Variants in COL4A4 observed in about 807,000 individuals in gnomAD.
COL4A4 encodes the protein collagen alpha-4(IV) chain.
Under a neutral mutation model 192.9 loss-of-function variants are expected in COL4A4, and 105 were observed. That is an observed-to-expected ratio of 0.54 (90% confidence interval 0.46 to 0.64). COL4A4 has a LOEUF of 0.64. Ranked by LOEUF, COL4A4 falls within the 30% of genes least tolerant of loss-of-function variation. COL4A4 has a pLI of 0.00. For missense variants in COL4A4, 1,967 were observed against 2,169.3 expected (o/e 0.91, Z 1.85); for synonymous variants, 762 against 769.9 (o/e 0.99, Z 0.17).
intron 3 of COL4A4, among the ~76,000 whole-genome samples, chr2:227,143,000 T>TCACACA (rs371177118): frequency 9.7e-5 from 14 of 144,030 alleles, no homozygotes; most frequent in African/African-American, 3.1e-4. Flanking sequence ...ATGACCTCAT[T>TCACACA]CACACACACA....
the COL4A4 span, among the ~76,000 whole-genome samples, chr2:226,984,266 G>A: frequency 6.6e-6 from 1 of 152,194 alleles, no homozygotes; most frequent in South Asian, 2.1e-4. Context: ...CCATGGACCC[G>A]GTGGCTTAAA....
intron 34 of COL4A4, 152 bp from the exon 35 acceptor site, chr2:227,047,701 G>T: frequency 3.5e-6 from 2 of 572,628 alleles, no homozygotes; most frequent in Admixed American, 2.6e-5. Context: ...AGAACAAATA[G>T]AAATATAGAT....
chr2:227,014,004 G>A (rs887021975), intron 44 of COL4A4, among the ~76,000 whole-genome samples: 1 of 152,178 alleles, frequency 6.6e-6, no homozygotes, highest in East Asian at 1.9e-4. Flanking sequence ...AAGGAGGTTT[G>A]ACTTGATGTT....
the COL4A4 span, among the ~76,000 whole-genome samples, chr2:226,984,401 G>A: frequency 1.1e-4 from 16 of 152,262 alleles, no homozygotes; most frequent in Non-Finnish European, 1.2e-4. Flanking sequence ...CCTCACATTG[G>A]CAGAGAGTGC....
At chr2:227,126,875 G>A (rs1024126377) in intron 4 of COL4A4, among the ~76,000 whole-genome samples, 8 of 152,130 alleles carry the variant, frequency 5.3e-5, no homozygotes, top group African/African-American at 1.2e-4. Context: ...TGTGCTTACA[G>A]GTAAATATGT....
At chr2:226,994,575 G>T in the COL4A4 span, among the ~76,000 whole-genome samples, 1 of 152,106 alleles carries the variant, frequency 6.6e-6, no homozygotes, top group Non-Finnish European at 1.5e-5. Flanking sequence ...CAGCCTTTTT[G>T]GTCCCCATGC....
At chr2:227,001,793 C>T (rs560055465), downstream of COL4A4, among the ~76,000 whole-genome samples, 6 of 151,246 alleles carry the variant, frequency 4.0e-5, 1 homozygote, top group South Asian at 1.2e-3. Flanking sequence ...AGTAGACGGT[C>T]AGGGAATGTT....
chr2:227,090,084 G>A (rs925104448), intron 20 of COL4A4, 127 bp from the exon 21 acceptor site: 59 of 670,690 alleles, frequency 8.8e-5, no homozygotes, highest in Middle Eastern at 7.4e-4. Flanking sequence ...CATTCTTTGC[G>A]CCCTTGTTTT....
At chr2:226,988,877 GATCC>G in the COL4A4 span, 1 of 206,852 alleles carries the variant, frequency 4.8e-6, no homozygotes, top group Non-Finnish European at 8.5e-6. Flanking sequence ...TGTCAAAGGA[GATCC>G]TAATTCTAGA....
chr2:227,083,841 G>C (rs1037295917), intron 22 of COL4A4, among the ~76,000 whole-genome samples: 8 of 152,178 alleles, frequency 5.3e-5, no homozygotes, highest in Non-Finnish European at 8.8e-5. Context: ...GAGAGCTATA[G>C]AGGGGAGGAG....
the COL4A4 span, among the ~76,000 whole-genome samples, chr2:226,975,286 A>AACAC: frequency 6.6e-5 from 10 of 151,792 alleles, no homozygotes; most frequent in African/African-American, 1.9e-4. Context: ...TACACACACA[A>AACAC]ACACACACAC....
chr2:227,057,029 A>G (rs1423766566), intron 29 of COL4A4, among the ~76,000 whole-genome samples: 1 of 152,094 alleles, frequency 6.6e-6, no homozygotes, highest in Non-Finnish European at 1.5e-5. Context: ...TTGTGTTCCT[A>G]CGTCTTCCTG....
chr2:227,126,447 G>A (rs1333597174), intron 4 of COL4A4, among the ~76,000 whole-genome samples: 2 of 152,216 alleles, frequency 1.3e-5, no homozygotes, highest in Admixed American at 6.5e-5. Flanking sequence ...CAATGACTCT[G>A]AATAACAGAG....
intron 25 of COL4A4, among the ~76,000 whole-genome samples, chr2:227,068,267 A>G (rs2058475586): frequency 6.6e-6 from 1 of 152,178 alleles, no homozygotes; most frequent in Non-Finnish European, 1.5e-5. Flanking sequence ...AGATGGATTC[A>G]CAGCTGAATT....
At chr2:227,109,355 T>C (rs574585081) in intron 9 of COL4A4, 69 bp from the exon 10 acceptor site, 1 of 1,221,220 alleles carries the variant, frequency 8.2e-7, no homozygotes, top group Admixed American at 1.7e-5. Flanking sequence ...AAGAGTTGCG[T>C]GTGATCCCAT....
chr2:227,053,993 G>A (rs554644370), intron 31 of COL4A4, among the ~76,000 whole-genome samples: 23 of 152,078 alleles, frequency 1.5e-4, no homozygotes, highest in Admixed American at 3.3e-4. Flanking sequence ...CATGAGATGC[G>A]AATGATTTTT....
At chr2:227,128,978 G>A (rs2062254686) in intron 4 of COL4A4, among the ~76,000 whole-genome samples, 6 of 152,088 alleles carry the variant, frequency 3.9e-5, no homozygotes, top group Admixed American at 3.9e-4. Flanking sequence ...TTTCCATGAG[G>A]TCAGAGTAGC....
the COL4A4 span, among the ~76,000 whole-genome samples, chr2:226,987,635 AGGCCC>A: frequency 6.6e-6 from 1 of 152,232 alleles, no homozygotes; most frequent in South Asian, 2.1e-4. Flanking sequence ...TCAGAGGTCC[AGGCCC>A]CCCTCTGGGT....
rs1968516499 is a variant in COL4A4, at chr2:227,031,968, G to A, written c.3794C>T (p.Pro1265Leu). The change falls in exon 40 of 48, where the codon CCT becomes CTT. Residue 1265 changes from proline (P) to leucine (L), a missense_variant. Transcript: ENST00000396625. ...PDPGPPGDQG[P>L]PGPDGPRGAP... ...ACCTCTTGGGCCATCAGGACCAGGA[G>A]GTCCCTGATCTCCAGGTGGACCCGG... The A allele has an allele frequency of 1.2e-6, 2 of 1,613,142 alleles. No individual in the cohort carries two copies. The highest frequency in any genetic ancestry group is 8.5e-7 in the Non-Finnish European group (1 of 1,179,144).
Sources: gnomAD v4.1 joint callset for allele counts (sites outside exome capture counted in the v4.1 genomes callset) on GRCh38, gnomAD v4.1.1 for gene constraint, MANE v1.5 for transcripts, NCBI Gene and HGNC (gene_info 2026-07-23, HGNC 2026-07-21) for gene names.